MAD1L1: variants seen among roughly 807,000 people sequenced by gnomAD.
MAD1L1 encodes the protein mitotic spindle assembly checkpoint protein MAD1.
MAD1L1 carries 95 observed loss-of-function variants against 96.9 expected under a neutral mutation model. That is an observed-to-expected ratio of 0.98 (90% CI 0.83 to 1.16). The LOEUF (loss-of-function observed/expected upper bound fraction) is 1.16. Among genes scored for constraint, MAD1L1 ranks in the 50% most tolerant of loss-of-function variants. The pLI is 0.00. For synonymous variants in MAD1L1, 473 were observed against 396.6 expected (o/e 1.19, Z -2.29); for missense variants, 1,007 against 954.4 (o/e 1.06, Z -0.73).
chr7:2,168,684 C>T (rs1243419905), intron 10 of MAD1L1, among the ~76,000 whole-genome samples: 2 of 152,352 alleles, frequency 1.3e-5, no homozygotes, highest in East Asian at 1.9e-4. Context: ...GTGAACCAGC[C>T]GCGAGAAGGC....
At chr7:2,111,021 G>C (rs935785063) in intron 11 of MAD1L1, among the ~76,000 whole-genome samples, 3 of 152,190 alleles carry the variant, frequency 2.0e-5, no homozygotes, top group African/African-American at 7.2e-5. Context: ...GAGGAAGAAC[G>C]GATCAGGAAG....
At chr7:1,934,796 A>G (rs1237781333) in intron 17 of MAD1L1, among the ~76,000 whole-genome samples, 8 of 150,810 alleles carry the variant, frequency 5.3e-5, no homozygotes, top group Non-Finnish European at 7.4e-5. Flanking sequence ...CGAGACAGGC[A>G]GACACCCAGA....
chr7:1,843,354 G>A (rs1331073157), intron 18 of MAD1L1, among the ~76,000 whole-genome samples: 1 of 152,306 alleles, frequency 6.6e-6, no homozygotes, highest in East Asian at 1.9e-4. Context: ...GGGAGCTCCT[G>A]CGCAGACGTC....
At chr7:2,069,711 C>T (rs1464917045) in intron 11 of MAD1L1, among the ~76,000 whole-genome samples, 2 of 152,190 alleles carry the variant, frequency 1.3e-5, no homozygotes, top group African/African-American at 2.4e-5. Context: ...GGGAAGCAAG[C>T]GCCAGGCGCC....
chr7:1,963,599 A>G (rs1440741874), intron 15 of MAD1L1, among the ~76,000 whole-genome samples: 1 of 152,140 alleles, frequency 6.6e-6, no homozygotes, highest in Non-Finnish European at 1.5e-5. Context: ...AGCTGTAAAA[A>G]CCATACTGTA....
chr7:2,033,606 G>A (rs930892747), intron 12 of MAD1L1, among the ~76,000 whole-genome samples: 3 of 152,230 alleles, frequency 2.0e-5, no homozygotes, highest in African/African-American at 4.8e-5. Context: ...CAGAAGAAAC[G>A]TAACTGACAA....
At chr7:1,995,923 A>G (rs1256319768) in intron 14 of MAD1L1, among the ~76,000 whole-genome samples, 2 of 152,194 alleles carry the variant, frequency 1.3e-5, no homozygotes, top group Non-Finnish European at 2.9e-5. Flanking sequence ...AGGTACTGTC[A>G]GTTACCACAC....
chr7:2,045,665 G>A (rs1421628962), intron 12 of MAD1L1, among the ~76,000 whole-genome samples: 6 of 151,968 alleles, frequency 3.9e-5, no homozygotes, highest in East Asian at 3.9e-4. Context: ...AGCGACAGTC[G>A]CTTAGTGGGA....
intron 13 of MAD1L1, among the ~76,000 whole-genome samples, chr7:2,007,109 G>C (rs1782065797): frequency 6.6e-6 from 1 of 152,280 alleles, no homozygotes; most frequent in East Asian, 1.9e-4. Flanking sequence ...GGCCTGGCAG[G>C]CCAGCACCAG....
At chr7:1,911,859 C>A (rs768242055) in intron 17 of MAD1L1, among the ~76,000 whole-genome samples, 1 of 152,270 alleles carries the variant, frequency 6.6e-6, no homozygotes, top group Non-Finnish European at 1.5e-5. Context: ...GCGGCACACA[C>A]ACGCCTTTCC....
At position 2,221,452 on chromosome 7, in the gene MAD1L1, C is replaced by T. The variant is rs965142725; in HGVS notation, c.471+1123G>A. On this transcript the variant is annotated intron_variant, in intron 5 of 18. Transcript: ENST00000265854. ...CCAGCACGGCCACAGGAAGGACCCG[C>T]GGCCAGTTTCTGGACCCCTCCAGGA... Among the ~76,000 whole-genome samples the T allele has an allele frequency of 3.9e-5, 6 of 152,180 alleles. No individual in the cohort carries two copies. The East Asian group carries it at 7.8e-4, about 20-fold the overall frequency.
chr7:1,879,452 T>A, intron 18 of MAD1L1, among the ~76,000 whole-genome samples: 1 of 75,144 alleles, frequency 1.3e-5, no homozygotes, highest in African/African-American at 7.2e-5. Context: ...TGAGACTTCA[T>A]CTCCAAAAAA....
At chr7:2,135,689 T>C (rs530627958) in intron 11 of MAD1L1, among the ~76,000 whole-genome samples, 1 of 152,120 alleles carries the variant, frequency 6.6e-6, no homozygotes, top group Non-Finnish European at 1.5e-5. Context: ...CTCGGGACAA[T>C]GCCCACCAGC....
Position 1,936,832 on chromosome 7 carries a change from C to T in MAD1L1, c.1662G>A (p.Arg554=), listed in dbSNP as rs1205228579. Reference sequence around the variant, plus strand: ...GGCTGTGGTCCTCGCGCAGGCGCTGCCTGGCCACACTGGTGGGGTTCAGGC... The same window carrying T: ...GGCTGTGGTCCTCGCGCAGGCGCTGTCTGGCCACACTGGTGGGGTTCAGGC... ...HMSLNPTSVA[R]QRLREDHSQL... is the part of the protein sequence containing the mutation. Residue 554 remains arginine, a synonymous_variant, in exon 17 of 19, where the codon AGG becomes AGA. Transcript: ENST00000265854. 18 of 1,605,188 alleles carry T rather than the reference C, an allele frequency of 1.1e-5. No individual in the cohort carries two copies. The highest frequency in any genetic ancestry group is 1.4e-5 in the Non-Finnish European group (17 of 1,176,596).
At chr7:2,123,267 T>C (rs1225037573) in intron 11 of MAD1L1, among the ~76,000 whole-genome samples, 1 of 141,506 alleles carries the variant, frequency 7.1e-6, no homozygotes, top group Admixed American at 7.4e-5. Context: ...ATCGGGCCAC[T>C]GCTCTCCAGC....
rs114259444 is a variant in MAD1L1 at position 1,932,822 on chromosome 7, G to A, written c.1807+3865C>T. Among the ~76,000 whole-genome samples, 929 of 152,294 alleles carry A rather than the reference G, an allele frequency of 6.1e-3. 12 individuals are homozygous for A. Among genetic ancestry groups the A allele is most frequent in the African/African-American group, 0.021 (888 of 41,556 alleles). On this transcript the variant is annotated intron_variant, in intron 17 of 18. Transcript: ENST00000265854. Reference sequence around the variant, plus strand: ...CCCTGTTCCCTCCTTCCATGTTCCTGTTGTTCAGACAGTGGGCTGTACCTC... The same window carrying A: ...CCCTGTTCCCTCCTTCCATGTTCCTATTGTTCAGACAGTGGGCTGTACCTC...
chr7:1,892,723 A>C (rs1254944610), intron 18 of MAD1L1, among the ~76,000 whole-genome samples: 5 of 152,166 alleles, frequency 3.3e-5, no homozygotes, highest in African/African-American at 9.7e-5. Flanking sequence ...GCAGTTCCGG[A>C]ATCTGTGCCG....
rs762431732 is a variant in MAD1L1 at position 1,980,546 on chromosome 7, G to C, written c.1417-5C>G. On this transcript the variant is annotated splice_polypyrimidine_tract_variant and splice_region_variant and intron_variant, in intron 14 of 18. Transcript: ENST00000265854. ...CATCTTCAGCTCCATCTCCAGCTAG[G>C]AGAAAGCAAAGGATAGAGGGTCAGC... 2 of 1,609,984 alleles carry C rather than the reference G, an allele frequency of 1.2e-6. No individual in the cohort carries two copies. Among genetic ancestry groups the C allele is most frequent in the Non-Finnish European group, 8.5e-7 (1 of 1,178,154 alleles).
chr7:2,131,889 G>T (rs1788524986), intron 11 of MAD1L1, among the ~76,000 whole-genome samples: 1 of 152,230 alleles, frequency 6.6e-6, no homozygotes, highest in South Asian at 2.1e-4. Flanking sequence ...CACAAGTCCT[G>T]TGAGCCCCCC....
Sources: allele counts gnomAD v4.1 joint callset (sites outside exome capture counted in the v4.1 genomes callset), GRCh38; gene constraint gnomAD v4.1.1; transcripts MANE v1.5; gene names NCBI Gene and HGNC (gene_info 2026-07-23, HGNC 2026-07-21).